Variants in CCDC149 observed in about 807,000 individuals in gnomAD.
CCDC149 encodes the protein coiled-coil domain containing 149.
In CCDC149, 45 loss-of-function variants were observed where a neutral mutation model predicts 59.9. The observed-to-expected ratio is 0.75, with a 90% CI of 0.59 to 0.96. The LOEUF is 0.96. Ranked by LOEUF, CCDC149 falls within the 40% of genes least tolerant of loss-of-function variation. The pLI is 0.00. For missense variants in CCDC149, 584 were observed against 664.7 expected, an observed-to-expected ratio of 0.88 and a Z score of 1.33; for synonymous variants, 245 against 260.6, an observed-to-expected ratio of 0.94 and a Z score of 0.58.
intron 1 of CCDC149, among the ~76,000 whole-genome samples, chr4:24,878,418 A>C (rs1006749162): frequency 1.3e-5 from 2 of 152,202 alleles, no homozygotes; most frequent in African/African-American, 4.8e-5. Flanking sequence ...CATGGAGGCA[A>C]AATGGTTCTG....
At chr4:24,933,183 A>T (rs1265850863) in intron 1 of CCDC149, among the ~76,000 whole-genome samples, 1 of 152,186 alleles carries the variant, frequency 6.6e-6, no homozygotes, top group Admixed American at 6.5e-5. Context: ...TGCATGTGCT[A>T]TCCTAAAAGT....
chr4:24,890,170 C>T (rs916304019), intron 1 of CCDC149, among the ~76,000 whole-genome samples: 2 of 152,214 alleles, frequency 1.3e-5, no homozygotes, highest in Non-Finnish European at 2.9e-5. Flanking sequence ...AAGCCACTCC[C>T]CCACTCTGTG....
At chr4:24,958,467 A>G (rs73250651) in intron 1 of CCDC149, among the ~76,000 whole-genome samples, 26,863 of 152,106 alleles carry the variant, frequency 0.18, 3,199 homozygotes, top group African/African-American at 0.32. Context: ...CTTTACAACA[A>G]AAGAGATGGG....
chr4:24,919,193 C>A (rs190343803), intron 1 of CCDC149, among the ~76,000 whole-genome samples: 42 of 152,264 alleles, frequency 2.8e-4, no homozygotes, highest in Non-Finnish European at 5.1e-4. Context: ...ACATACTGGG[C>A]CATTAACTCA....
chr4:24,971,738 G>A (rs148346084), intron 1 of CCDC149, among the ~76,000 whole-genome samples: 2 of 152,334 alleles, frequency 1.3e-5, no homozygotes, highest in African/African-American at 4.8e-5. Flanking sequence ...ATGATGGGAA[G>A]AGGGGGCCAG....
intron 1 of CCDC149, among the ~76,000 whole-genome samples, chr4:24,927,554 G>C (rs1050743961): frequency 6.6e-6 from 1 of 152,206 alleles, no homozygotes; most frequent in Non-Finnish European, 1.5e-5. Context: ...AAAAATAGTT[G>C]TAACGTTGAT....
intron 3 of CCDC149, among the ~76,000 whole-genome samples, chr4:24,856,435 G>A (rs555969354): frequency 7.9e-5 from 12 of 152,312 alleles, no homozygotes; most frequent in African/African-American, 2.6e-4. Flanking sequence ...AATAAAGCAG[G>A]CAAAGGGAAT....
intron 10 of CCDC149, 55 bp downstream of exon 10, chr4:24,822,442 T>C: frequency 8.1e-7 from 1 of 1,234,034 alleles, no homozygotes; most frequent in Non-Finnish European, 1.1e-6. Flanking sequence ...GAGCTTCATT[T>C]CTTAAAAAAA....
intron 4 of CCDC149, among the ~76,000 whole-genome samples, chr4:24,845,296 C>T (rs1255358481): frequency 1.3e-5 from 2 of 152,222 alleles, no homozygotes; most frequent in Non-Finnish European, 2.9e-5. Flanking sequence ...CACCACACTT[C>T]CTTCAGGGCT....
chr4:24,822,444 T>G, intron 10 of CCDC149, 53 bp downstream of exon 10: 1 of 1,272,408 alleles, frequency 7.9e-7, no homozygotes, highest in East Asian at 2.7e-5. Flanking sequence ...GCTTCATTTC[T>G]TAAAAAAAAG....
At chr4:24,976,106 G>C (rs954267763) in intron 1 of CCDC149, among the ~76,000 whole-genome samples, 4 of 152,170 alleles carry the variant, frequency 2.6e-5, no homozygotes, top group African/African-American at 9.7e-5. Flanking sequence ...CCCGTGTTTA[G>C]CTGTGCCTAC....
intron 1 of CCDC149, among the ~76,000 whole-genome samples, chr4:24,903,292 A>G (rs530443270): frequency 1.7e-3 from 260 of 152,242 alleles, no homozygotes; most frequent in African/African-American, 6.0e-3. Flanking sequence ...GCCCTCGACC[A>G]TAACTCCTCA....
chr4:24,935,698 G>A (rs1657973116), intron 1 of CCDC149, among the ~76,000 whole-genome samples: 1 of 152,126 alleles, frequency 6.6e-6, no homozygotes, highest in African/African-American at 2.4e-5. Flanking sequence ...CCAGTCCCCA[G>A]AACTGTGAGA....
chr4:24,909,864 C>T (rs555283905), intron 1 of CCDC149, among the ~76,000 whole-genome samples: 4 of 152,314 alleles, frequency 2.6e-5, no homozygotes, highest in Non-Finnish European at 4.4e-5. Flanking sequence ...TCCTCCTTGC[C>T]TTCCAGCATG....
intron 7 of CCDC149, among the ~76,000 whole-genome samples, chr4:24,835,753 A>G (rs1716473573): frequency 6.6e-6 from 1 of 152,206 alleles, no homozygotes; most frequent in Admixed American, 6.5e-5. Context: ...TGCTAATGTC[A>G]AAAGCCAGGA....
At chr4:24,938,704 C>T (rs140558325) in intron 1 of CCDC149, among the ~76,000 whole-genome samples, 2,864 of 152,334 alleles carry the variant, frequency 0.019, 38 homozygotes, top group Middle Eastern at 0.037. Context: ...CCTAACACTA[C>T]GCTCTTCCAA....
chr4:24,845,279 C>G (rs1242511817), intron 4 of CCDC149, among the ~76,000 whole-genome samples: 3 of 152,228 alleles, frequency 2.0e-5, no homozygotes, highest in Admixed American at 6.5e-5. Context: ...CTATATCTGA[C>G]CCTTCCCACC....
At chr4:24,969,727 A>G (rs569773125) in intron 1 of CCDC149, among the ~76,000 whole-genome samples, 2 of 152,266 alleles carry the variant, frequency 1.3e-5, no homozygotes, top group Non-Finnish European at 2.9e-5. Flanking sequence ...TCGACCAGGT[A>G]TGGGGACGAA....
At chr4:24,965,999 CAG>C (rs930510858) in intron 1 of CCDC149, among the ~76,000 whole-genome samples, 5 of 152,152 alleles carry the variant, frequency 3.3e-5, no homozygotes, top group Non-Finnish European at 7.4e-5. Flanking sequence ...CAATTACAGC[CAG>C]AGAGAGAGTA....
Sources: allele counts gnomAD v4.1 joint callset (sites outside exome capture counted in the v4.1 genomes callset), GRCh38; gene constraint gnomAD v4.1.1; transcripts MANE v1.5; gene names NCBI Gene and HGNC (gene_info 2026-07-23, HGNC 2026-07-21).